PPTC7: variants seen among roughly 807,000 people sequenced by gnomAD.
The protein encoded by PPTC7 is protein phosphatase PTC7 homolog.
PPTC7 carries 6 observed loss-of-function variants against 30.8 expected under a neutral mutation model. The observed-to-expected ratio is 0.19, with a 90% CI of 0.11 to 0.38. The LOEUF is 0.38. Among genes scored for constraint, PPTC7 ranks in the 10% least tolerant of loss-of-function variants. PPTC7 has a pLI of 1.00. For missense variants in PPTC7, 218 were observed against 404.8 expected (o/e 0.54, Z 3.96); for synonymous variants, 163 against 168.1 (o/e 0.97, Z 0.23).
chr12:110,557,554 G>T (rs543809138), intron 1 of PPTC7, among the ~76,000 whole-genome samples: 1 of 152,142 alleles, frequency 6.6e-6, no homozygotes, highest in Non-Finnish European at 1.5e-5. Context: ...CCGAGATTAT[G>T]GGCATGAGCC....
At chr12:110,571,437 CAGA>C (rs1311960769) in intron 1 of PPTC7, among the ~76,000 whole-genome samples, 1 of 151,742 alleles carries the variant, frequency 6.6e-6, no homozygotes, top group African/African-American at 2.4e-5. Context: ...CCATTTCAAA[CAGA>C]AGAAGATAGC....
At position 110,561,759 on chromosome 12, in the gene PPTC7, G is replaced by A. The variant is rs911703816; in HGVS notation, c.224-9791C>T. Among the ~76,000 whole-genome samples the A allele has an allele frequency of 7.2e-5, 11 of 152,054 alleles. 1 individual carries two copies. Among genetic ancestry groups the A allele is most frequent in the African/African-American group, 2.4e-4 (10 of 41,402 alleles). ...ATCATTTAAGCTCAGGAGTTCAAGA[G>A]CAACCTGGGCAACATGGTAAAACCT... On this transcript the variant is annotated intron_variant, in intron 1 of 5. Coordinates refer to ENST00000354300, the MANE Select transcript of PPTC7 (RefSeq NM_139283.2).
intron 3 of PPTC7, among the ~76,000 whole-genome samples, chr12:110,542,673 CAAAAAAA>C (rs765332697): frequency 0.18 from 4,822 of 26,412 alleles, 71 homozygotes; most frequent in Non-Finnish European, 0.25. Context: ...GACTCTGTCT[CAAAAAAA>C]AAAAAAAAAA....
At chr12:110,564,425 G>A (rs1466285747) in intron 1 of PPTC7, among the ~76,000 whole-genome samples, 2 of 152,194 alleles carry the variant, frequency 1.3e-5, no homozygotes, top group Admixed American at 1.3e-4. Context: ...ATGCCTACTT[G>A]TACTGGCCCT....
chr12:110,557,350 C>T (rs1394194056), intron 1 of PPTC7, among the ~76,000 whole-genome samples: 2 of 152,226 alleles, frequency 1.3e-5, no homozygotes, highest in Non-Finnish European at 2.9e-5. Flanking sequence ...TCATAGCTCA[C>T]TGCAGTCTTG....
Position 110,543,597 on chromosome 12 carries a change from C to T in PPTC7, c.602+2283G>A, listed in dbSNP as rs138186208. Among the ~76,000 whole-genome samples, 213 of 151,948 alleles carry T rather than the reference C, an allele frequency of 1.4e-3. 1 individual carries two copies. Among genetic ancestry groups the T allele is most frequent in the African/African-American group, 4.9e-3 (205 of 41,424 alleles). On this transcript the variant is annotated intron_variant, in intron 3 of 5. Transcript: ENST00000354300. The stretch of plus-strand genomic sequence containing the variant: ...TAATGACCAGGTTGGCACTGAAGCT[C>T]TGTTTTATGCTGAGGTTTTTCTTTC...
chr12:110,542,889 G>A (rs748229996), intron 3 of PPTC7, among the ~76,000 whole-genome samples: 4 of 151,922 alleles, frequency 2.6e-5, no homozygotes, highest in South Asian at 2.1e-4. Context: ...GGAAAACCCC[G>A]GGTGGGGAGA....
chr12:110,546,206 T>A, intron 2 of PPTC7, 128 bp from the exon 3 acceptor site: 2 of 700,988 alleles, frequency 2.9e-6, no homozygotes. Flanking sequence ...GGACCTTTCT[T>A]AGTTATGCTC....
chr12:110,546,363 A>G (rs1429533641), intron 2 of PPTC7: 1 of 407,218 alleles, frequency 2.5e-6, no homozygotes, highest in African/African-American at 2.0e-5. Flanking sequence ...AATGACTGGT[A>G]TTTAATCACA....
chr12:110,579,437 C>A (rs1340235911), intron 1 of PPTC7, among the ~76,000 whole-genome samples: 1 of 152,184 alleles, frequency 6.6e-6, no homozygotes, highest in East Asian at 1.9e-4. Flanking sequence ...CTGACTGTGT[C>A]TGCTGGCATT....
chr12:110,569,041 C>G (rs1014144051), intron 1 of PPTC7, among the ~76,000 whole-genome samples: 1 of 147,564 alleles, frequency 6.8e-6, no homozygotes, highest in Non-Finnish European at 1.5e-5. Context: ...CGCCCCCCCC[C>G]CTCAAAAAAA....
intron 3 of PPTC7, among the ~76,000 whole-genome samples, chr12:110,544,181 T>C (rs1041303637): frequency 6.6e-6 from 1 of 152,240 alleles, no homozygotes; most frequent in East Asian, 1.9e-4. Flanking sequence ...TGGAAGAATA[T>C]TTAGACTTTT....
intron 1 of PPTC7, among the ~76,000 whole-genome samples, chr12:110,561,760 C>A (rs944564261): frequency 1.3e-5 from 2 of 152,046 alleles, no homozygotes; most frequent in African/African-American, 4.8e-5. Context: ...AGTTCAAGAG[C>A]AACCTGGGCA....
Position 110,540,993 on chromosome 12 carries a change from T to C in PPTC7, c.603-1048A>G, listed in dbSNP as rs567584417. Reference sequence around the variant, plus strand: ...GGTTTCACCATGTTGGCCAGGATGGTCTTGATCTCCTGACCTCGTGATCTG... The same window carrying C: ...GGTTTCACCATGTTGGCCAGGATGGCCTTGATCTCCTGACCTCGTGATCTG... On this transcript the variant is annotated intron_variant, in intron 3 of 5. Transcript: ENST00000354300. Among the ~76,000 whole-genome samples the C allele has an allele frequency of 2.6e-5, 4 of 151,358 alleles. No individual in the cohort carries two copies. In the South Asian group the frequency reaches 6.3e-4, roughly 24 times the overall value.
At chr12:110,559,555 G>A (rs973802736) in intron 1 of PPTC7, among the ~76,000 whole-genome samples, 2 of 151,408 alleles carry the variant, frequency 1.3e-5, no homozygotes, top group East Asian at 1.9e-4. Context: ...GTGAAACCCC[G>A]TCTCTACTAA....
rs967852732 is a variant in PPTC7 at position 110,533,379 on chromosome 12, T to C, written c.*3658A>G. ...TCTTGGGTAATAAGACAAATAATGA[T>C]AGTCTCAACAGAAAAAAAGCAGCTC... On this transcript the variant is annotated 3_prime_UTR_variant, in exon 6 of 6. Transcript: ENST00000354300. 2.6e-5 allele frequency: 4 copies of C among 152,214 alleles called. No homozygotes were observed. The highest frequency in any genetic ancestry group is 4.4e-5 in the Non-Finnish European group (3 of 68,042). The allele number at this position is 152,214 out of a possible 1,614,324, so 9.4% of individuals were successfully genotyped here.
intron 1 of PPTC7, among the ~76,000 whole-genome samples, chr12:110,552,453 C>T (rs1279367701): frequency 1.3e-5 from 2 of 152,196 alleles, no homozygotes; most frequent in Non-Finnish European, 1.5e-5. Context: ...GAACATATCC[C>T]ATCCCCTCTC....
intron 1 of PPTC7, among the ~76,000 whole-genome samples, chr12:110,559,754 A>G (rs1224972416): frequency 6.6e-6 from 1 of 151,464 alleles, no homozygotes; most frequent in Non-Finnish European, 1.5e-5. Context: ...AAAAAAAGAA[A>G]TGGGGTCTCA....
chr12:110,541,996 G>A (rs1029812980), intron 3 of PPTC7, among the ~76,000 whole-genome samples: 2 of 151,036 alleles, frequency 1.3e-5, no homozygotes. Context: ...AAATACAAAC[G>A]TTAGCCAAGC....
Sources: allele counts gnomAD v4.1 joint callset (sites outside exome capture counted in the v4.1 genomes callset), GRCh38; gene constraint gnomAD v4.1.1; transcripts MANE v1.5; gene names NCBI Gene and HGNC (gene_info 2026-07-23, HGNC 2026-07-21).